Variants in NTM observed in about 807,000 individuals in gnomAD.
The protein encoded by NTM is neurotrimin.
Under a neutral mutation model 42.1 loss-of-function variants are expected in NTM, and 13 were observed. The observed-to-expected ratio is 0.31, with a 90% CI of 0.20 to 0.49. The LOEUF (loss-of-function observed/expected upper bound fraction) is 0.49. Ranked by LOEUF, NTM falls within the 20% of genes least tolerant of loss-of-function variation. NTM has a pLI of 0.99. For missense variants in NTM, 373 were observed against 452.8 expected (o/e 0.82, Z 1.60); for synonymous variants, 187 against 179.2 (o/e 1.04, Z -0.35).
At chr11:131,687,005 C>T (rs920824307) in intron 1 of NTM, among the ~76,000 whole-genome samples, 2 of 152,126 alleles carry the variant, frequency 1.3e-5, no homozygotes, top group East Asian at 1.9e-4. Flanking sequence ...CGCAGGGCCA[C>T]GTTCTGCCCC....
intron 1 of NTM, among the ~76,000 whole-genome samples, chr11:131,464,631 C>T (rs1951721486): frequency 6.6e-6 from 1 of 152,196 alleles, no homozygotes; most frequent in Admixed American, 6.5e-5. Context: ...GGCAGTCTGA[C>T]ACCTCGAACA....
intron 1 of NTM, among the ~76,000 whole-genome samples, chr11:131,903,245 G>C (rs1316232091): frequency 6.6e-6 from 1 of 152,240 alleles, no homozygotes; most frequent in Non-Finnish European, 1.5e-5. Context: ...CATGGAAGGA[G>C]TGTGTAAATA....
chr11:131,875,650 T>TACA (rs1395636744), intron 1 of NTM, among the ~76,000 whole-genome samples: 1 of 152,204 alleles, frequency 6.6e-6, no homozygotes, highest in Non-Finnish European at 1.5e-5. Context: ...AAAGGATCCT[T>TACA]CAACAGTTTC....
In NTM at chr11:132,330,095, A is replaced by C. The variant is rs1033277588; in HGVS notation, c.935-58A>C. On this transcript the variant is annotated intron_variant, in intron 7 of 8. Coordinates refer to ENST00000683400, the MANE Select transcript of NTM (RefSeq NM_001352005.2). ...TCTTCCTGAAATCATCTGAGGGCAA[A>C]GTGAGCATCTCCGTCTGCTTTCGAC... 7.1e-6 allele frequency: 11 copies of C among 1,547,560 alleles called. No individual in the cohort carries two copies. In the African/African-American group the frequency reaches 1.2e-4, roughly 17 times the overall value.
At chr11:131,468,219 C>T (rs1952080337) in intron 1 of NTM, among the ~76,000 whole-genome samples, 1 of 152,210 alleles carries the variant, frequency 6.6e-6, no homozygotes, top group Admixed American at 6.5e-5. Flanking sequence ...CTGGCTGGCT[C>T]AGGCCACCTA....
chr11:131,885,291 T>C (rs1234107474), intron 1 of NTM, among the ~76,000 whole-genome samples: 1 of 151,458 alleles, frequency 6.6e-6, no homozygotes, highest in African/African-American at 2.4e-5. Context: ...GAGGAAAAGG[T>C]GATAAAGGGA....
At chr11:131,485,446 T>G (rs1236428763) in intron 1 of NTM, among the ~76,000 whole-genome samples, 2 of 152,122 alleles carry the variant, frequency 1.3e-5, no homozygotes, top group African/African-American at 4.8e-5. Context: ...CCATCCAATC[T>G]AATCTCAACA....
chr11:131,943,980 C>T lies in NTM; in HGVS notation c.167+32332C>T, dbSNP rs7948756. On this transcript the variant is annotated intron_variant, in intron 2 of 8. Coordinates refer to ENST00000683400, the MANE Select transcript of NTM (RefSeq NM_001352005.2). ...TTAAAGAAGAGTCTTTCTTAGAGAA[C>T]TTTATAAAAGCCATATTTGGGCGTT... Among the ~76,000 whole-genome samples, 735 of 151,970 alleles carry T rather than the reference C, an allele frequency of 4.8e-3. 4 individuals are homozygous for T. Among genetic ancestry groups the T allele is most frequent in the African/African-American group, 0.017 (701 of 41,460 alleles).
chr11:131,707,816 T>C (rs1366967580), intron 1 of NTM, among the ~76,000 whole-genome samples: 1 of 152,114 alleles, frequency 6.6e-6, no homozygotes, highest in Non-Finnish European at 1.5e-5. Flanking sequence ...AACATCATAC[T>C]CAATGGTGAA....
At chr11:132,054,029 A>T (rs1312893686) in intron 2 of NTM, among the ~76,000 whole-genome samples, 1 of 152,202 alleles carries the variant, frequency 6.6e-6, no homozygotes, top group East Asian at 1.9e-4. Flanking sequence ...CAGCCTGATC[A>T]ACGTGGTGAA....
intron 2 of NTM, among the ~76,000 whole-genome samples, chr11:131,931,468 C>CGTGTGTGTGTGT (rs147069139): frequency 8.4e-5 from 12 of 142,706 alleles, no homozygotes; most frequent in Middle Eastern, 3.4e-3. Context: ...ATAATATATA[C>CGTGTGTGTGTGT]GTGTGTGTGT....
intron 2 of NTM, among the ~76,000 whole-genome samples, chr11:131,961,950 T>C (rs971110713): frequency 3.9e-5 from 6 of 152,136 alleles, no homozygotes; most frequent in African/African-American, 1.4e-4. Flanking sequence ...GATGGATCCA[T>C]GCACCAATGG....
At chr11:131,621,257 T>C (rs1412038980) in intron 1 of NTM, among the ~76,000 whole-genome samples, 1 of 152,186 alleles carries the variant, frequency 6.6e-6, no homozygotes, top group Non-Finnish European at 1.5e-5. Flanking sequence ...ATTTATCCCC[T>C]AAAAACTAGG....
intron 1 of NTM, among the ~76,000 whole-genome samples, chr11:131,871,713 C>T (rs77494077): frequency 0.023 from 3,532 of 152,272 alleles, 138 homozygotes; most frequent in African/African-American, 0.079. Context: ...TCCTCTCTCC[C>T]TCCCCTCTAG....
intron 8 of NTM, among the ~76,000 whole-genome samples, chr11:132,331,081 C>T (rs961061327): frequency 1.3e-5 from 2 of 152,238 alleles, no homozygotes; most frequent in African/African-American, 4.8e-5. Flanking sequence ...ACCTTTTAAC[C>T]TGTACCCAGG....
At chr11:131,715,505 T>C (rs1218803238) in intron 1 of NTM, among the ~76,000 whole-genome samples, 9 of 152,170 alleles carry the variant, frequency 5.9e-5, no homozygotes, top group African/African-American at 2.2e-4. Context: ...AAAGAACAAA[T>C]ATTTAAAGTG....
At chr11:132,053,313 A>G (rs998589944) in intron 2 of NTM, among the ~76,000 whole-genome samples, 4 of 152,208 alleles carry the variant, frequency 2.6e-5, no homozygotes, top group Non-Finnish European at 5.9e-5. Flanking sequence ...TAAAATGGTC[A>G]TTCTTTCGGT....
At chr11:131,474,049 G>C (rs1221879656) in intron 1 of NTM, among the ~76,000 whole-genome samples, 1 of 151,984 alleles carries the variant, frequency 6.6e-6, no homozygotes, top group African/African-American at 2.4e-5. Context: ...CACCCCCACT[G>C]TCTTCACCTC....
intron 1 of NTM, among the ~76,000 whole-genome samples, chr11:131,393,799 T>C (rs940682826): frequency 2.0e-5 from 3 of 152,160 alleles, no homozygotes; most frequent in Non-Finnish European, 4.4e-5. Context: ...CACTTGAGGA[T>C]GAAAGAAGGA....
Sources: allele counts gnomAD v4.1 joint callset (sites outside exome capture counted in the v4.1 genomes callset), GRCh38; gene constraint gnomAD v4.1.1; transcripts MANE v1.5; gene names NCBI Gene and HGNC (gene_info 2026-07-23, HGNC 2026-07-21).